Variants in USP3 observed in about 807,000 individuals in gnomAD.
USP3 encodes ubiquitin carboxyl-terminal hydrolase 3.
In USP3, 20 loss-of-function variants were observed where a neutral mutation model predicts 72.3. The ratio of observed to expected loss-of-function variants is 0.28; its 90% confidence interval spans 0.19 to 0.40. The LOEUF is 0.40. Ranked by LOEUF, USP3 falls within the 10% of genes least tolerant of loss-of-function variation. The pLI, the probability that USP3 is intolerant of heterozygous loss-of-function variation, is 1.00. For missense variants in USP3, 479 were observed against 633.9 expected, an observed-to-expected ratio of 0.76 and a Z score of 2.62; for synonymous variants, 222 against 225.3, an observed-to-expected ratio of 0.99 and a Z score of 0.13.
intron 3 of USP3, among the ~76,000 whole-genome samples, chr15:63,545,645 C>A (rs1234783454): frequency 5.9e-5 from 9 of 151,704 alleles, no homozygotes; most frequent in African/African-American, 2.2e-4. Flanking sequence ...TAAATATAGT[C>A]CTTATCTGAC....
rs2067246249 is a variant in USP3, at chr15:63,593,775, T to A, written c.*2949T>A. ...TATTTTGAAAGCTGATCTTTTGTCC[T>A]CTTCAGGGCTTTTCCCTTGTGCCAT... On this transcript the variant is annotated 3_prime_UTR_variant, in exon 15 of 15. Coordinates refer to ENST00000380324, the MANE Select transcript of USP3 (RefSeq NM_006537.4). The A allele has an allele frequency of 6.6e-6, 1 of 152,296 alleles. No homozygotes were observed. The highest frequency in any genetic ancestry group is 2.4e-5 in the African/African-American group (1 of 41,482). The allele number at this position is 152,296 out of a possible 1,614,324, so 9.4% of individuals were successfully genotyped here.
At chr15:63,546,407 C>T (rs976968547) in intron 3 of USP3, among the ~76,000 whole-genome samples, 2 of 152,068 alleles carry the variant, frequency 1.3e-5, no homozygotes, top group African/African-American at 2.4e-5. Flanking sequence ...GAAACACAAC[C>T]TATGAGTTAC....
In USP3 at chr15:63,544,672, A is replaced by T. The variant is rs903847280; in HGVS notation, c.284+7516A>T. ...ATGTAAAGATGGAGATGACCGAATGAGGAATATTGTTTTGCCATTAAATAA... is the reference window on the plus strand; with the variant it reads ...ATGTAAAGATGGAGATGACCGAATGTGGAATATTGTTTTGCCATTAAATAA... On this transcript the variant is annotated intron_variant, in intron 3 of 14. Coordinates refer to ENST00000380324, the MANE Select transcript of USP3 (RefSeq NM_006537.4). This position sits in a 1 kb window ranked among gnomAD's most constrained non-coding sequence, Gnocchi z 4.2. 7.1e-6 allele frequency: 5 copies of T among 700,938 alleles called. No individual in the cohort carries two copies. In the African/African-American group the frequency reaches 8.7e-5, roughly 12 times the overall value. 43.4% of individuals were successfully genotyped at this position (700,938 alleles called of 1,614,324 possible). A position where few individuals can be genotyped will look rare whatever the true frequency, so the allele number is the denominator to read the frequency against.
intron 11 of USP3, among the ~76,000 whole-genome samples, chr15:63,581,877 G>A (rs1566917733): frequency 6.6e-6 from 1 of 150,644 alleles, no homozygotes; most frequent in African/African-American, 2.4e-5. Flanking sequence ...TAGACACAGG[G>A]TTTCACCCTT....
At chr15:63,512,515 A>G (rs980353168) in intron 1 of USP3, among the ~76,000 whole-genome samples, 51 of 149,806 alleles carry the variant, frequency 3.4e-4, no homozygotes, top group African/African-American at 1.2e-3. Context: ...GCACGATCTC[A>G]GCTCACCGAA....
At chr15:63,557,879 A>G (rs761709275) in intron 5 of USP3, among the ~76,000 whole-genome samples, 8 of 152,220 alleles carry the variant, frequency 5.3e-5, no homozygotes, top group Non-Finnish European at 1.2e-4. Flanking sequence ...AGCTTTCAAT[A>G]AGATACTTCT....
intron 11 of USP3, among the ~76,000 whole-genome samples, chr15:63,575,023 G>A (rs2066839198): frequency 6.6e-6 from 1 of 152,092 alleles, no homozygotes; most frequent in Admixed American, 6.6e-5. Context: ...AAAGAAGCTA[G>A]GATAGACCAA....
intron 1 of USP3, among the ~76,000 whole-genome samples, chr15:63,514,112 G>C (rs184390123): frequency 6.6e-6 from 1 of 152,286 alleles, no homozygotes; most frequent in East Asian, 1.9e-4. Flanking sequence ...GTAGCTGCCA[G>C]ACCTCAACAT....
intron 1 of USP3, among the ~76,000 whole-genome samples, chr15:63,505,195 G>T (rs1174078647): frequency 1.3e-5 from 2 of 151,974 alleles, no homozygotes; most frequent in Non-Finnish European, 1.5e-5. Flanking sequence ...CGCCTGTGGG[G>T]CGGGTGTCCG....
Position 63,588,572 on chromosome 15 carries a change from A to C in USP3, c.1216-130A>C. On this transcript the variant is annotated intron_variant, in intron 12 of 14. Transcript: ENST00000380324. This position sits in a 1 kb window ranked among gnomAD's most constrained non-coding sequence, Gnocchi z 4.6. ...GCTAAACCCCTTACAGAATGAATGCATAAGGTATGCATGGAAGAATGATTG... is the reference window on the plus strand; with the variant it reads ...GCTAAACCCCTTACAGAATGAATGCCTAAGGTATGCATGGAAGAATGATTG... The C allele has an allele frequency of 1.1e-6, 1 of 920,398 alleles. No individual in the cohort carries two copies. The highest frequency in any genetic ancestry group is 1.7e-6 in the Non-Finnish European group (1 of 586,460). 57.0% of individuals were successfully genotyped at this position (920,398 alleles called of 1,614,324 possible).
rs188233227 is a variant in USP3, at chr15:63,518,676, T to C, written c.91+13846T>C. Among the ~76,000 whole-genome samples the C allele has an allele frequency of 2.4e-3, 366 of 152,340 alleles. 4 individuals are homozygous for C. The highest frequency in any genetic ancestry group is 7.9e-3 in the African/African-American group (327 of 41,570). On this transcript the variant is annotated intron_variant, in intron 1 of 14. Coordinates refer to ENST00000380324, the MANE Select transcript of USP3 (RefSeq NM_006537.4). The stretch of plus-strand genomic sequence containing the variant: ...ACATTTTGCCTCATTTGTTTTATCA[T>C]GTATATATTTACTCTCTGTTTATAT...
intron 3 of USP3, among the ~76,000 whole-genome samples, chr15:63,550,088 C>G (rs2066415000): frequency 6.6e-6 from 1 of 152,206 alleles, no homozygotes; most frequent in South Asian, 2.1e-4. Flanking sequence ...GGCATGATCT[C>G]AGCTCACTGC....
At chr15:63,524,173 G>C (rs1280314132) in intron 1 of USP3, among the ~76,000 whole-genome samples, 2 of 152,228 alleles carry the variant, frequency 1.3e-5, no homozygotes, top group African/African-American at 4.8e-5. Context: ...GATACACAAA[G>C]ATTTAGTCCA....
chr15:63,532,603 T>G (rs764025270), intron 1 of USP3, 44 bp from the exon 2 acceptor site: 2 of 1,606,006 alleles, frequency 1.2e-6, no homozygotes, highest in Non-Finnish European at 1.7e-6. Context: ...AATTGGGAAA[T>G]AACATGATGC....
rs375985158 is a variant in USP3, at chr15:63,591,097, T to TTTTTA, written c.*278_*282dup. 3.1e-6 allele frequency: 1 copy of TTTTTA among 326,434 alleles called. No individual in the cohort carries two copies. The highest frequency in any genetic ancestry group is 6.0e-5 in the South Asian group (1 of 16,772). The allele number at this position is 326,434 out of a possible 1,614,324, so 20.2% of individuals were successfully genotyped here. Reference sequence around the variant, plus strand: ...TGTAAGAACTTAGTCTTATTTGACTTTTTTATTTTATGTTAATGTTTTCAG... The same window carrying TTTTTA: ...TGTAAGAACTTAGTCTTATTTGACTTTTTTATTTTATTTTATGTTAATGTTTTCAG... On this transcript the variant is annotated 3_prime_UTR_variant, in exon 15 of 15. Coordinates refer to ENST00000380324, the MANE Select transcript of USP3 (RefSeq NM_006537.4).
At position 63,557,786 on chromosome 15, in the gene USP3, T is replaced by A. The variant is rs74018119; in HGVS notation, c.451-320T>A. Among the ~76,000 whole-genome samples, 1,183 of 152,354 alleles carry A rather than the reference T, an allele frequency of 7.8e-3. 10 individuals carry two copies. Among genetic ancestry groups the A allele is most frequent in the African/African-American group, 0.028 (1,146 of 41,582 alleles). Reference sequence around the variant, plus strand: ...GTTTTTATAGAATCTTAAAAAGGCATTAAGTCTTAAATGTTATTTTAAGGA... The same window carrying A: ...GTTTTTATAGAATCTTAAAAAGGCAATAAGTCTTAAATGTTATTTTAAGGA... On this transcript the variant is annotated intron_variant, in intron 5 of 14. Transcript: ENST00000380324.
At chr15:63,580,641 C>CATATATATATATAT (rs1210661793) in intron 11 of USP3, among the ~76,000 whole-genome samples, 5 of 49,562 alleles carry the variant, frequency 1.0e-4, no homozygotes, top group Non-Finnish European at 1.9e-4. Context: ...GAAAGTGGTG[C>CATATATATATATAT]ATATATATAT....
At chr15:63,534,170 G>A (rs2066118783) in intron 2 of USP3, among the ~76,000 whole-genome samples, 1 of 152,108 alleles carries the variant, frequency 6.6e-6, no homozygotes, top group Non-Finnish European at 1.5e-5. Flanking sequence ...TAGTTTTGGA[G>A]AAATGTGATG....
intron 1 of USP3, 147 bp downstream of exon 1, chr15:63,504,977 T>C (rs1313773735): frequency 2.6e-5 from 12 of 458,258 alleles, no homozygotes; most frequent in Non-Finnish European, 3.3e-5. Context: ...GGGTACGCGA[T>C]GAGGCGGGCG....
Sources: gnomAD v4.1 joint callset for allele counts (sites outside exome capture counted in the v4.1 genomes callset) on GRCh38, gnomAD v4.1.1 for gene constraint, Gnocchi (gnomAD v3.1) non-coding constraint, MANE v1.5 for transcripts, NCBI Gene and HGNC (gene_info 2026-07-23, HGNC 2026-07-21) for gene names.